SPOCK1: variants seen among roughly 807,000 people sequenced by gnomAD.
The protein encoded by SPOCK1 is testican-1.
In SPOCK1, 23 loss-of-function variants were observed where a neutral mutation model predicts 55.3. The observed-to-expected ratio is 0.42, with a 90% CI of 0.30 to 0.59. The LOEUF is 0.59. Among genes scored for constraint, SPOCK1 ranks in the 20% least tolerant of loss-of-function variants. The pLI is 0.22. For synonymous variants in SPOCK1, 226 were observed against 221.0 expected, an observed-to-expected ratio of 1.02 and a Z score of -0.20; for missense variants, 499 against 552.5, an observed-to-expected ratio of 0.90 and a Z score of 0.97.
intron 2 of SPOCK1, among the ~76,000 whole-genome samples, chr5:137,421,845 G>A (rs879836204): frequency 3.7e-4 from 57 of 152,316 alleles, no homozygotes; most frequent in Non-Finnish European, 7.1e-4. Flanking sequence ...TCGTTATGAT[G>A]TTAGCTGGTT....
At chr5:137,172,277 T>A (rs900600556) in intron 3 of SPOCK1, among the ~76,000 whole-genome samples, 1 of 152,176 alleles carries the variant, frequency 6.6e-6, no homozygotes, top group Non-Finnish European at 1.5e-5. Flanking sequence ...CGCCAGTACT[T>A]TCCTGAGCCC....
At chr5:137,418,653 T>C (rs1425145221) in intron 2 of SPOCK1, among the ~76,000 whole-genome samples, 1 of 152,104 alleles carries the variant, frequency 6.6e-6, no homozygotes, top group East Asian at 1.9e-4. Context: ...GATGGGGTTG[T>C]TTTTTTCTTA....
intron 2 of SPOCK1, among the ~76,000 whole-genome samples, chr5:137,381,343 C>T (rs141925593): frequency 9.9e-4 from 151 of 152,264 alleles, no homozygotes; most frequent in African/African-American, 3.2e-3. Flanking sequence ...GTCTGGTAGA[C>T]GGTAGCCCTC....
chr5:137,338,120 T>C (rs1750327454), intron 2 of SPOCK1, among the ~76,000 whole-genome samples: 1 of 152,180 alleles, frequency 6.6e-6, no homozygotes, highest in Non-Finnish European at 1.5e-5. Context: ...CTGCACCCAA[T>C]AACTCGTCAT....
chr5:137,022,007 G>A (rs576831282), intron 6 of SPOCK1, among the ~76,000 whole-genome samples: 57 of 152,168 alleles, frequency 3.7e-4, no homozygotes, highest in Admixed American at 8.5e-4. Context: ...TTTATAATGC[G>A]ACCTTGGCAC....
intron 3 of SPOCK1, among the ~76,000 whole-genome samples, chr5:137,150,388 G>A (rs10515488): frequency 0.039 from 5,920 of 152,054 alleles, 221 homozygotes; most frequent in Admixed American, 0.12. Flanking sequence ...CTAAGTTTTG[G>A]GCACTAGGTT....
rs529883329 is a variant in SPOCK1, at chr5:136,979,203, T to C, written c.1129+129A>G. 2.1e-5 allele frequency: 28 copies of C among 1,342,926 alleles called. No individual in the cohort carries two copies. In the South Asian group the frequency reaches 2.9e-4, roughly 14 times the overall value. 83.2% of individuals were successfully genotyped at this position (1,342,926 alleles called of 1,614,324 possible). A position where few individuals can be genotyped will look rare whatever the true frequency, so the allele number is the denominator to read the frequency against. The stretch of plus-strand genomic sequence containing the variant: ...GGAGCTCATGTGATTTCAGGGTTAC[T>C]ATGCCTCTATTATAAACTTAATGTA... On this transcript the variant is annotated intron_variant, in intron 10 of 10. Transcript: ENST00000394945.
chr5:137,447,137 T>A (rs1349685898), intron 2 of SPOCK1, among the ~76,000 whole-genome samples: 3 of 152,230 alleles, frequency 2.0e-5, no homozygotes, highest in African/African-American at 7.2e-5. Flanking sequence ...ATGGAGATAA[T>A]TCTTATAAGT....
At chr5:137,147,622 G>A (rs1022626750) in intron 3 of SPOCK1, among the ~76,000 whole-genome samples, 2 of 152,132 alleles carry the variant, frequency 1.3e-5, no homozygotes, top group African/African-American at 2.4e-5. Flanking sequence ...CTTCTTATAG[G>A]ACACTTATCC....
chr5:137,291,342 T>C (rs1757366022), intron 2 of SPOCK1, among the ~76,000 whole-genome samples: 1 of 152,222 alleles, frequency 6.6e-6, no homozygotes, highest in African/African-American at 2.4e-5. Context: ...CTATGATTAC[T>C]GGCCCTATTT....
chr5:136,985,189 C>T lies in SPOCK1; in HGVS notation c.942G>A (p.Gln314=). 1 of 1,614,134 alleles carries T rather than the reference C, an allele frequency of 6.2e-7. No individual in the cohort carries two copies. The highest frequency in any genetic ancestry group is 1.3e-5 in the African/African-American group (1 of 75,040). Residue 314 remains glutamine (Q), a synonymous_variant, in exon 9 of 11, where the codon CAG becomes CAA. Coordinates refer to ENST00000394945, the MANE Select transcript of SPOCK1 (RefSeq NM_004598.4). The part of the protein sequence containing the change: ...CFQKPGGLPC[Q]NEMNRIQKLS... ...GCTTCTGAATTCTGTTCATTTCATT[C>T]TGGCAAGGGAGACCTAAAAAATAAT...
chr5:137,346,582 G>A (rs911050618), intron 2 of SPOCK1, among the ~76,000 whole-genome samples: 20 of 152,196 alleles, frequency 1.3e-4, no homozygotes, highest in Admixed American at 1.3e-3. Flanking sequence ...TGGCAGTTAC[G>A]AAAATGATGC....
chr5:136,981,519 A>G lies in SPOCK1; in HGVS notation c.992-2050T>C, dbSNP rs184180052. On this transcript the variant is annotated intron_variant, in intron 9 of 10. Transcript: ENST00000394945. ...CATGTATTTGGTACACCATGCTTTC[A>G]TTTTCTTTCATTTCTAGATATTTTG... Among the ~76,000 whole-genome samples the G allele has an allele frequency of 5.8e-3, 885 of 151,884 alleles. 15 individuals are homozygous for G. Among genetic ancestry groups the G allele is most frequent in the Admixed American group, 0.035 (541 of 15,272 alleles).
intron 5 of SPOCK1, among the ~76,000 whole-genome samples, chr5:137,095,680 G>A (rs12332671): frequency 0.18 from 27,160 of 152,214 alleles, 2,616 homozygotes; most frequent in Non-Finnish European, 0.21. Flanking sequence ...AGGCTGGCAA[G>A]CAGCTCAGTA....
chr5:137,294,627 T>G (rs1371232642), intron 2 of SPOCK1, among the ~76,000 whole-genome samples: 3 of 152,220 alleles, frequency 2.0e-5, no homozygotes, highest in Non-Finnish European at 4.4e-5. Context: ...CTGGCATTCC[T>G]ACCCAGGGTT....
At chr5:137,014,763 A>AT (rs1326352729) in intron 6 of SPOCK1, among the ~76,000 whole-genome samples, 9 of 152,208 alleles carry the variant, frequency 5.9e-5, no homozygotes, top group Non-Finnish European at 1.2e-4. Context: ...ACAAGAACAA[A>AT]TTCCTGAGAG....
intron 3 of SPOCK1, among the ~76,000 whole-genome samples, chr5:137,146,461 C>T (rs1333062528): frequency 1.3e-5 from 2 of 152,244 alleles, no homozygotes; most frequent in African/African-American, 4.8e-5. Flanking sequence ...TTTAAGACTG[C>T]TCTCTGCCTG....
intron 2 of SPOCK1, among the ~76,000 whole-genome samples, chr5:137,350,611 A>G (rs1186275721): frequency 6.6e-6 from 1 of 152,076 alleles, no homozygotes; most frequent in East Asian, 1.9e-4. Flanking sequence ...GTGCACACAC[A>G]TGGCTTCTCC....
At chr5:137,014,384 G>A (rs1333292273) in intron 6 of SPOCK1, among the ~76,000 whole-genome samples, 1 of 152,106 alleles carries the variant, frequency 6.6e-6, no homozygotes, top group South Asian at 2.1e-4. Context: ...ATGCAAAAAT[G>A]GCCTAAGACA....
Sources: allele counts gnomAD v4.1 joint callset (sites outside exome capture counted in the v4.1 genomes callset), GRCh38; gene constraint gnomAD v4.1.1; transcripts MANE v1.5; gene names NCBI Gene and HGNC (gene_info 2026-07-23, HGNC 2026-07-21).